Variants in SUZ12 observed in about 807,000 individuals in gnomAD.
SUZ12 encodes the protein polycomb protein SUZ12.
A neutral mutation model predicts 87.3 loss-of-function variants in SUZ12; 17 were observed. The observed-to-expected ratio is 0.19, with a 90% CI of 0.13 to 0.29. SUZ12 has a LOEUF of 0.29. Ranked by LOEUF, SUZ12 falls within the 10% of genes least tolerant of loss-of-function variation. The pLI is 1.00. For missense variants in SUZ12, 526 were observed against 912.2 expected (o/e 0.58, Z 5.45); for synonymous variants, 253 against 312.4 (o/e 0.81, Z 2.01).
rs556843092 is a variant in SUZ12 at position 31,960,881 on chromosome 17, A to G, written c.456-5266A>G. On this transcript the variant is annotated intron_variant, in intron 4 of 15. Coordinates refer to ENST00000322652, the MANE Select transcript of SUZ12 (RefSeq NM_015355.4). ...GTGTGAGTCACCGTGCCTGGCCCCA[A>G]TGTTGTCTTTTAAAATTGGTTAATT... Among the ~76,000 whole-genome samples, 12 of 152,196 alleles carry G rather than the reference A, an allele frequency of 7.9e-5. No homozygotes were observed. The South Asian group carries it at 8.3e-4, about 11-fold the overall frequency.
At chr17:31,939,716 G>A (rs1325750227) in intron 1 of SUZ12, among the ~76,000 whole-genome samples, 1 of 152,054 alleles carries the variant, frequency 6.6e-6, no homozygotes, top group African/African-American at 2.4e-5. Flanking sequence ...GGTGGAGACA[G>A]GGTTTCTCCA....
chr17:31,956,512 T>C (rs559566810), intron 4 of SUZ12, among the ~76,000 whole-genome samples: 1 of 152,242 alleles, frequency 6.6e-6, no homozygotes, highest in South Asian at 2.1e-4. Context: ...ATATAGTTAT[T>C]GTTTCTGCAT....
chr17:31,999,749 T>C lies in SUZ12; in HGVS notation c.*746T>C, dbSNP rs2142224090. On this transcript the variant is annotated 3_prime_UTR_variant, in exon 16 of 16. Coordinates refer to ENST00000322652, the MANE Select transcript of SUZ12 (RefSeq NM_015355.4). Reference sequence around the variant, plus strand: ...GTGCATTGCTCACCCGGTATGTTTTTTTTTTTTAACTTGAACATTTTGCTT... The same window carrying C: ...GTGCATTGCTCACCCGGTATGTTTTCTTTTTTTAACTTGAACATTTTGCTT... 4.3e-6 allele frequency: 1 copy of C among 232,494 alleles called. No individual in the cohort carries two copies. 14.4% of individuals were successfully genotyped at this position (232,494 alleles called of 1,614,324 possible). A position where few individuals can be genotyped will look rare whatever the true frequency, so the allele number is the denominator to read the frequency against.
Position 31,993,356 on chromosome 17 carries a change from A to G in SUZ12, c.1293+23A>G, listed in dbSNP as rs559244735. The G allele has an allele frequency of 1.9e-5, 27 of 1,407,388 alleles. 1 individual carries two copies. The South Asian group carries it at 3.0e-4, about 16-fold the overall frequency. The allele number at this position is 1,407,388 out of a possible 1,614,324, so 87.2% of individuals were successfully genotyped here. On this transcript the variant is annotated intron_variant, in intron 11 of 15. Coordinates refer to ENST00000322652, the MANE Select transcript of SUZ12 (RefSeq NM_015355.4). ...CAGGTAAACATAGCTGACCCTTCTT[A>G]AAGTAATTATGAAATGTATTTGTTT...
chr17:31,952,493 G>A (rs149993560), intron 4 of SUZ12, among the ~76,000 whole-genome samples: 256 of 152,260 alleles, frequency 1.7e-3, no homozygotes, highest in African/African-American at 5.6e-3. Flanking sequence ...TCTTGCCTTT[G>A]TGTAGTGGTA....
chr17:31,993,573 A>G (rs918130505), intron 11 of SUZ12, among the ~76,000 whole-genome samples: 3 of 152,054 alleles, frequency 2.0e-5, no homozygotes, highest in Non-Finnish European at 4.4e-5. Context: ...AGCACATGCC[A>G]CCACTCCTGG....
intron 3 of SUZ12, among the ~76,000 whole-genome samples, chr17:31,946,428 A>C (rs1418296345): frequency 1.3e-5 from 2 of 152,176 alleles, no homozygotes; most frequent in Non-Finnish European, 2.9e-5. Context: ...GCTACTCGGG[A>C]GGCTGAGGCA....
chr17:31,996,163 T>C (rs1398124643), intron 14 of SUZ12, among the ~76,000 whole-genome samples: 2 of 152,122 alleles, frequency 1.3e-5, no homozygotes, highest in African/African-American at 4.8e-5. Context: ...TGAGCCAAGA[T>C]TGCACCACTG....
intron 4 of SUZ12, among the ~76,000 whole-genome samples, chr17:31,950,507 A>G (rs549767351): frequency 1.3e-3 from 204 of 152,046 alleles, no homozygotes; most frequent in African/African-American, 4.8e-3. Flanking sequence ...AACAGGGGAA[A>G]ACCCTTTCTC....
At chr17:31,990,686 T>C (rs568043363) in intron 10 of SUZ12, among the ~76,000 whole-genome samples, 1 of 152,004 alleles carries the variant, frequency 6.6e-6, no homozygotes, top group Non-Finnish European at 1.5e-5. Flanking sequence ...GGAAAAAACA[T>C]TTACAAATAG....
intron 10 of SUZ12, among the ~76,000 whole-genome samples, chr17:31,989,962 G>T (rs553630327): frequency 1.3e-5 from 2 of 148,472 alleles, no homozygotes; most frequent in East Asian, 4.0e-4. Flanking sequence ...TGTTTGTTTT[G>T]TTTGTTGTTT....
chr17:31,996,659 G>C (rs1909994785), intron 14 of SUZ12, 139 bp from the exon 15 acceptor site: 4 of 535,358 alleles, frequency 7.5e-6, no homozygotes, highest in Non-Finnish European at 6.5e-6. Context: ...TACTTAAATA[G>C]AAGTTAATTT....
Position 31,975,687 on chromosome 17 carries a change from T to A in SUZ12, c.797T>A (p.Ile266Asn), listed in dbSNP as rs1406461243. The A allele has an allele frequency of 1.2e-6, 2 of 1,611,064 alleles. No individual in the cohort carries two copies. Among genetic ancestry groups the A allele is most frequent in the African/African-American group, 1.3e-5 (1 of 74,910 alleles). The change falls in exon 7 of 16, where the codon ATT becomes AAT. Residue 266 changes from isoleucine (I) to asparagine (N), a missense_variant. Transcript: ENST00000322652. ...RPGRREFNGM[I>N]NGETNENIDV... ...GGAAGAAGAGAGTTTAATGGAATGA[T>A]TAATGGAGAAACCAATGAAAATATT... is the stretch of plus-strand genomic sequence containing the variant.
intron 4 of SUZ12, among the ~76,000 whole-genome samples, chr17:31,951,016 G>A (rs1472544382): frequency 6.6e-6 from 1 of 152,014 alleles, no homozygotes; most frequent in East Asian, 1.9e-4. Context: ...TCCTGACCTC[G>A]TGATCCGCCC....
At chr17:31,962,853 A>G (rs1907819695) in intron 4 of SUZ12, among the ~76,000 whole-genome samples, 1 of 152,236 alleles carries the variant, frequency 6.6e-6, no homozygotes, top group South Asian at 2.1e-4. Context: ...ATTCTTATGA[A>G]AGTTAATCTG....
chr17:31,982,925 A>G (rs1909198336), intron 8 of SUZ12, 74 bp from the exon 9 acceptor site: 22 of 1,418,942 alleles, frequency 1.6e-5, no homozygotes, highest in African/African-American at 2.9e-5. Flanking sequence ...TTTAGTATAA[A>G]TCTAAAGATG....
intron 15 of SUZ12, among the ~76,000 whole-genome samples, chr17:31,997,412 C>T (rs568099731): frequency 6.6e-6 from 1 of 152,212 alleles, no homozygotes; most frequent in South Asian, 2.1e-4. Context: ...CCTGTAATCC[C>T]AGTACTTTGG....
At chr17:31,992,575 A>G (rs187615254) in intron 10 of SUZ12, among the ~76,000 whole-genome samples, 120 of 151,880 alleles carry the variant, frequency 7.9e-4, no homozygotes, top group Middle Eastern at 3.4e-3. Flanking sequence ...ATGCCCAGCT[A>G]ATTTTTTTGT....
intron 5 of SUZ12, among the ~76,000 whole-genome samples, chr17:31,970,288 T>C (rs955179580): frequency 1.4e-4 from 21 of 152,196 alleles, no homozygotes; most frequent in Non-Finnish European, 2.9e-5. Context: ...ACTGATCAAA[T>C]GTGTTTTACA....
Sources: gnomAD v4.1 joint callset for allele counts (sites outside exome capture counted in the v4.1 genomes callset) on GRCh38, gnomAD v4.1.1 for gene constraint, MANE v1.5 for transcripts, NCBI Gene and HGNC (gene_info 2026-07-23, HGNC 2026-07-21) for gene names.